The following UBR1 variants were observed in gnomAD, a reference collection of about 807,000 sequenced individuals.
UBR1 encodes E3 ubiquitin-protein ligase UBR1.
Under a neutral mutation model 242.1 loss-of-function variants are expected in UBR1, and 102 were observed. The observed-to-expected ratio is 0.42, with a 90% CI of 0.36 to 0.50. The LOEUF is 0.50. UBR1 is among the 20% of genes least tolerant of loss of function. The pLI is 0.01. For synonymous variants in UBR1, 675 were observed against 684.8 expected, an observed-to-expected ratio of 0.99 and a Z score of 0.22; for missense variants, 1,772 against 2,101.8, an observed-to-expected ratio of 0.84 and a Z score of 3.07.
rs758448340 is a variant in UBR1, at chr15:42,958,097, T to C, written c.4758-7A>G. On this transcript the variant is annotated splice_polypyrimidine_tract_variant and splice_region_variant and intron_variant, in intron 43 of 46. Transcript: ENST00000290650. The stretch of plus-strand genomic sequence containing the variant: ...ATTTCTTTTTCTAGGGTACCTACAA[T>C]GTAATTTAAAAGGCAATTTTATTTT... The C allele has an allele frequency of 1.2e-6, 2 of 1,609,810 alleles. No homozygotes were observed. Among genetic ancestry groups the C allele is most frequent in the East Asian group, 2.2e-5 (1 of 44,820 alleles).
Position 43,029,842 on chromosome 15 carries a change from T to C in UBR1, c.2379+102A>G, listed in dbSNP as rs916675522. 34 of 1,355,362 alleles carry C rather than the reference T, an allele frequency of 2.5e-5. No homozygotes were observed. In the African/African-American group the frequency reaches 3.0e-4, roughly 12 times the overall value. The allele number at this position is 1,355,362 out of a possible 1,614,324, so 84.0% of individuals were successfully genotyped here. A position where few individuals can be genotyped will look rare whatever the true frequency, so the allele number is the denominator to read the frequency against. The stretch of plus-strand genomic sequence containing the variant: ...GGTTTACATCTATAAGGTAATGATA[T>C]AGGACTTTTTGCCTAAAATTTTGAA... On this transcript the variant is annotated intron_variant, in intron 21 of 46. Transcript: ENST00000290650.
intron 17 of UBR1, 75 bp from the exon 18 acceptor site, chr15:43,036,668 T>C: frequency 9.4e-7 from 1 of 1,063,948 alleles, no homozygotes; most frequent in South Asian, 1.4e-5. Context: ...AAACCTATCC[T>C]TAAAACTTTC....
intron 39 of UBR1, among the ~76,000 whole-genome samples, chr15:42,971,255 G>A (rs2032202789): frequency 6.6e-6 from 1 of 152,080 alleles, no homozygotes; most frequent in African/African-American, 2.4e-5. Context: ...CTCTAGAAAG[G>A]GAAGTAGGTG....
intron 41 of UBR1, among the ~76,000 whole-genome samples, chr15:42,965,865 C>T (rs1296796483): frequency 1.3e-5 from 2 of 152,214 alleles, no homozygotes; most frequent in Non-Finnish European, 2.9e-5. Flanking sequence ...TTTCTAATTT[C>T]TTGTATAGCA....
intron 34 of UBR1, among the ~76,000 whole-genome samples, chr15:42,989,540 T>C (rs1322836460): frequency 2.6e-5 from 4 of 152,200 alleles, no homozygotes; most frequent in Non-Finnish European, 5.9e-5. Context: ...TACTCAATAT[T>C]AATGAAATAA....
intron 33 of UBR1, among the ~76,000 whole-genome samples, chr15:42,994,086 A>G (rs2032596735): frequency 6.6e-6 from 1 of 152,186 alleles, no homozygotes; most frequent in Non-Finnish European, 1.5e-5. Context: ...TTCAACAGTT[A>G]CATGGAACAG....
intron 39 of UBR1, among the ~76,000 whole-genome samples, chr15:42,975,653 T>C (rs1159890332): frequency 6.6e-6 from 1 of 152,206 alleles, no homozygotes. Flanking sequence ...AAGCCCTTAT[T>C]GGTCACTGAT....
At chr15:43,086,383 G>A in intron 1 of UBR1, 143 bp from the exon 2 acceptor site, 2 of 733,076 alleles carry the variant, frequency 2.7e-6, no homozygotes, top group South Asian at 2.9e-5. Flanking sequence ...GAAAGTGGGT[G>A]ATTAAAAAAA....
intron 18 of UBR1, 56 bp from the exon 19 acceptor site, chr15:43,036,335 T>A: frequency 6.6e-7 from 1 of 1,508,424 alleles, no homozygotes; most frequent in South Asian, 1.1e-5. Flanking sequence ...AAACATTTTG[T>A]CTCATGTAGG....
Position 42,960,137 on chromosome 15 carries a change from T to C in UBR1, c.4757+508A>G, listed in dbSNP as rs2031990686. On this transcript the variant is annotated intron_variant, in intron 43 of 46. Transcript: ENST00000290650. ...GGGAGGCTTCATGGAGGAGGTGGCA[T>C]TTAAATTAGTACTTAAGAAGTAGAT... 2.6e-5 allele frequency among the ~76,000 whole-genome samples: 4 copies of C among 152,128 alleles called. No homozygotes were observed. The South Asian group carries it at 8.3e-4, about 32-fold the overall frequency.
At chr15:42,961,808 C>A (rs1279878022) in intron 42 of UBR1, among the ~76,000 whole-genome samples, 1 of 151,264 alleles carries the variant, frequency 6.6e-6, no homozygotes, top group South Asian at 2.1e-4. Flanking sequence ...AGAGTGGAGT[C>A]CAATGGTGTG....
chr15:42,972,667 G>A (rs554645176), intron 39 of UBR1, among the ~76,000 whole-genome samples: 8 of 152,180 alleles, frequency 5.3e-5, no homozygotes, highest in East Asian at 3.9e-4. Flanking sequence ...CACCGTGCCC[G>A]GCCGATAACT....
Position 43,075,207 on chromosome 15 carries a change from G to T in UBR1, c.418-118C>A, listed in dbSNP as rs569860775. 14 of 879,698 alleles carry T rather than the reference G, an allele frequency of 1.6e-5. No homozygotes were observed. In the African/African-American group the frequency reaches 2.1e-4, roughly 13 times the overall value. 54.5% of individuals were successfully genotyped at this position (879,698 alleles called of 1,614,324 possible). A position where few individuals can be genotyped will look rare whatever the true frequency, so the allele number is the denominator to read the frequency against. ...TACTCCAACCTTAATTGAGTTCAAT[G>T]TAATATTAACTGGATGTAACAAAAA... is the stretch of plus-strand genomic sequence containing the variant. On this transcript the variant is annotated intron_variant, in intron 3 of 46. Coordinates refer to ENST00000290650, the MANE Select transcript of UBR1 (RefSeq NM_174916.3).
intron 5 of UBR1, among the ~76,000 whole-genome samples, chr15:43,070,394 G>A (rs2033810422): frequency 6.6e-6 from 1 of 151,906 alleles, no homozygotes; most frequent in South Asian, 2.1e-4. Context: ...CGGGCTAAAT[G>A]GAGATACACT....
intron 3 of UBR1, among the ~76,000 whole-genome samples, chr15:43,077,007 C>CA (rs2033912146): frequency 1.3e-5 from 1 of 76,696 alleles, no homozygotes; most frequent in African/African-American, 4.5e-5. Flanking sequence ...CCTGGCCAGC[C>CA]GCCCCGTCGG....
intron 33 of UBR1, among the ~76,000 whole-genome samples, chr15:42,996,661 A>G (rs1401261443): frequency 6.6e-6 from 1 of 152,192 alleles, no homozygotes; most frequent in African/African-American, 2.4e-5. Context: ...GTGATGAGAA[A>G]TAAAACCATC....
At position 43,024,858 on chromosome 15, in the gene UBR1, T is replaced by C. The variant is rs758898370; in HGVS notation, c.2710A>G (p.Asn904Asp). 5 of 1,614,192 alleles carry C rather than the reference T, an allele frequency of 3.1e-6. No individual in the cohort carries two copies. Among genetic ancestry groups the C allele is most frequent in the Non-Finnish European group, 4.2e-6 (5 of 1,180,026 alleles). ...TGGAGCATCCCTTCGGTCCACAAGT[T>C]AGAATCTGTGTCTATTGCCCGCTCA... is the stretch of plus-strand genomic sequence containing the variant. Reference protein sequence around the residue: ...VFERAIDTDSNLWTEGMLQMA... With the variant: ...VFERAIDTDSDLWTEGMLQMA... Residue 904 changes from asparagine to aspartate, a missense_variant, in exon 25 of 47, where the codon AAC becomes GAC. Asn to Asp is a conservative substitution (Grantham distance 23). Coordinates refer to ENST00000290650, the MANE Select transcript of UBR1 (RefSeq NM_174916.3).
At chr15:43,056,280 G>A (rs2033618711) in intron 11 of UBR1, 64 bp downstream of exon 11, 1 of 1,208,200 alleles carries the variant, frequency 8.3e-7, no homozygotes, top group Non-Finnish European at 1.2e-6. Context: ...AACATTAAGT[G>A]GAATTCTTAC....
chr15:42,948,320 T>C (rs1185256029), intron 46 of UBR1, among the ~76,000 whole-genome samples: 1 of 151,920 alleles, frequency 6.6e-6, no homozygotes, highest in Non-Finnish European at 1.5e-5. Context: ...CCTAAAACCA[T>C]AAAAACCCTA....
Sources: gnomAD v4.1 joint callset for allele counts (sites outside exome capture counted in the v4.1 genomes callset) on GRCh38, gnomAD v4.1.1 for gene constraint, MANE v1.5 for transcripts, NCBI Gene and HGNC (gene_info 2026-07-23, HGNC 2026-07-21) for gene names.